VWA3B: variants seen among roughly 807,000 people sequenced by gnomAD.
The protein encoded by VWA3B is von Willebrand factor A domain containing 3B, also known as von Willebrand factor A domain-containing protein 3B.
Under a neutral mutation model 158.3 loss-of-function variants are expected in VWA3B, and 138 were observed. That is an observed-to-expected ratio of 0.87 (90% CI 0.76 to 1.00). VWA3B has a LOEUF of 1.00. VWA3B is among the 50% of genes least tolerant of loss of function. VWA3B has a pLI of 0.00. For synonymous variants in VWA3B, 596 were observed against 587.3 expected, an observed-to-expected ratio of 1.01 and a Z score of -0.21; for missense variants, 1,555 against 1,565.1, an observed-to-expected ratio of 0.99 and a Z score of 0.11.
At chr2:98,230,480 T>C (rs1293374559) in intron 16 of VWA3B, among the ~76,000 whole-genome samples, 1 of 152,188 alleles carries the variant, frequency 6.6e-6, no homozygotes, top group Non-Finnish European at 1.5e-5. Flanking sequence ...ATTCAAATCG[T>C]CCAGTTTTAC....
chr2:98,124,113 T>A (rs1167871372), intron 5 of VWA3B, among the ~76,000 whole-genome samples: 1 of 152,232 alleles, frequency 6.6e-6, no homozygotes, highest in African/African-American at 2.4e-5. Flanking sequence ...CTGGCCACAT[T>A]AATCCATGAC....
intron 7 of VWA3B, among the ~76,000 whole-genome samples, chr2:98,153,300 G>T (rs1386590882): frequency 2.6e-5 from 4 of 152,298 alleles, no homozygotes; most frequent in Admixed American, 2.6e-4. Context: ...GAGTAGTTTT[G>T]TTTGTGTCCA....
intron 2 of VWA3B, among the ~76,000 whole-genome samples, chr2:98,106,033 A>G (rs1490864201): frequency 6.6e-6 from 1 of 152,038 alleles, no homozygotes; most frequent in East Asian, 1.9e-4. Context: ...CTCCTGCCTC[A>G]GCCTCCCAAG....
intron 14 of VWA3B, among the ~76,000 whole-genome samples, chr2:98,227,265 A>G (rs545976503): frequency 6.6e-6 from 1 of 152,320 alleles, no homozygotes; most frequent in East Asian, 1.9e-4. Flanking sequence ...ACAAGCAGAG[A>G]GCCAAATCAT....
At position 98,175,598 on chromosome 2, in the gene VWA3B, C is replaced by T. The variant is rs150566096; in HGVS notation, c.1115-5418C>T. ...GACCAATGGCATACCATAAACATAA[C>T]AACATGTGAACAATGGGAGTCCCCA... On this transcript the variant is annotated intron_variant, in intron 8 of 27. Transcript: ENST00000477737. 4.3e-3 allele frequency among the ~76,000 whole-genome samples: 647 copies of T among 152,210 alleles called. 3 individuals are homozygous for T. The highest frequency in any genetic ancestry group is 0.015 in the African/African-American group (617 of 41,530).
chr2:98,228,024 G>A (rs908515904), intron 14 of VWA3B, among the ~76,000 whole-genome samples, 178 bp from the exon 15 acceptor site: 30 of 152,236 alleles, frequency 2.0e-4, no homozygotes, highest in Non-Finnish European at 2.9e-4. Flanking sequence ...TTTTCTGGCC[G>A]TGTGCTGTAG....
chr2:98,199,836 G>C (rs530384052), intron 12 of VWA3B, among the ~76,000 whole-genome samples: 7 of 152,296 alleles, frequency 4.6e-5, no homozygotes, highest in African/African-American at 1.7e-4. Flanking sequence ...CCAACAATAA[G>C]TTTTCACTTC....
At position 98,269,004 on chromosome 2, in the gene VWA3B, G is replaced by C. The variant is rs766028943; in HGVS notation, c.2844-1678G>C. ...CTTATCATGGTCCACAGACAAGAAGGGGGGCAAATGACCAGGACTGGTCAA... is the reference window on the plus strand; with the variant it reads ...CTTATCATGGTCCACAGACAAGAAGCGGGGCAAATGACCAGGACTGGTCAA... On this transcript the variant is annotated intron_variant, in intron 21 of 27. Transcript: ENST00000477737. 3.9e-5 allele frequency among the ~76,000 whole-genome samples: 6 copies of C among 152,196 alleles called. No individual in the cohort carries two copies. The East Asian group carries it at 1.2e-3, about 29-fold the overall frequency.
chr2:98,163,321 C>T (rs1055315834), intron 8 of VWA3B, among the ~76,000 whole-genome samples: 1 of 152,048 alleles, frequency 6.6e-6, no homozygotes, highest in Admixed American at 6.6e-5. Context: ...GGGTGGATCA[C>T]GAGGTCAGGA....
chr2:98,187,874 T>G, intron 9 of VWA3B, 101 bp from the exon 10 acceptor site: 1 of 1,238,748 alleles, frequency 8.1e-7, no homozygotes, highest in South Asian at 1.8e-5. Flanking sequence ...TAGAGTGGAG[T>G]GCTAGGAGCC....
At chr2:98,277,698 G>T (rs62157911) in intron 22 of VWA3B, among the ~76,000 whole-genome samples, 3 of 152,116 alleles carry the variant, frequency 2.0e-5, no homozygotes, top group Non-Finnish European at 2.9e-5. Flanking sequence ...GAAAGAGAGC[G>T]TTAGGAAAAT....
At chr2:98,214,591 TA>T (rs1225205791) in intron 13 of VWA3B, among the ~76,000 whole-genome samples, 1 of 152,210 alleles carries the variant, frequency 6.6e-6, no homozygotes, top group African/African-American at 2.4e-5. Context: ...TATTCATATA[TA>T]TTTCATCTTT....
intron 9 of VWA3B, among the ~76,000 whole-genome samples, chr2:98,182,125 G>A (rs1361629406): frequency 6.6e-6 from 1 of 152,250 alleles, no homozygotes; most frequent in African/African-American, 2.4e-5. Flanking sequence ...GGGCAGACAG[G>A]CAGGTGACAG....
At chr2:98,149,690 A>G (rs1017350150) in intron 7 of VWA3B, among the ~76,000 whole-genome samples, 12 of 152,210 alleles carry the variant, frequency 7.9e-5, no homozygotes, top group Admixed American at 3.3e-4. Flanking sequence ...TTCTTCTGTT[A>G]CTTAGGTTTG....
intron 6 of VWA3B, among the ~76,000 whole-genome samples, chr2:98,129,206 G>GGGCAGA: frequency 7.8e-6 from 1 of 128,434 alleles, no homozygotes; most frequent in African/African-American, 3.4e-5. Context: ...GAGAGAGAGA[G>GGGCAGA]GAGAGAGAGA....
chr2:98,144,865 C>T (rs1677055968), intron 7 of VWA3B, among the ~76,000 whole-genome samples: 1 of 152,180 alleles, frequency 6.6e-6, no homozygotes, highest in Admixed American at 6.5e-5. Flanking sequence ...CGCGTTATCC[C>T]CAGAGTTTTC....
chr2:98,269,188 G>A (rs993354226), intron 21 of VWA3B, among the ~76,000 whole-genome samples: 1 of 152,010 alleles, frequency 6.6e-6, no homozygotes, highest in African/African-American at 2.4e-5. Flanking sequence ...TATCTCATCC[G>A]ATTTTCACAA....
At chr2:98,201,625 G>GT (rs200699328) in intron 12 of VWA3B, among the ~76,000 whole-genome samples, 6,779 of 151,764 alleles carry the variant, frequency 0.045, 228 homozygotes, top group Middle Eastern at 0.082. Flanking sequence ...GAGGTTTTTT[G>GT]TTTTTTTTGT....
chr2:98,139,216 C>T lies in VWA3B; in HGVS notation c.988+5277C>T, dbSNP rs186248273. Among the ~76,000 whole-genome samples the T allele has an allele frequency of 1.4e-4, 22 of 152,374 alleles. No homozygotes were observed. The East Asian group carries it at 3.9e-3, about 27-fold the overall frequency. On this transcript the variant is annotated intron_variant, in intron 7 of 27. Transcript: ENST00000477737. ...CCCACCGGAGCTGCTCTCGATTTCTCGCCAGGCCTTAGCTGCCTTCCCGCG... is the reference window on the plus strand; with the variant it reads ...CCCACCGGAGCTGCTCTCGATTTCTTGCCAGGCCTTAGCTGCCTTCCCGCG...
Sources: gnomAD v4.1 joint callset for allele counts (sites outside exome capture counted in the v4.1 genomes callset) on GRCh38, gnomAD v4.1.1 for gene constraint, MANE v1.5 for transcripts, NCBI Gene and HGNC (gene_info 2026-07-23, HGNC 2026-07-21) for gene names.